SP140: variants seen among roughly 807,000 people sequenced by gnomAD.
The protein encoded by SP140 is nuclear body protein SP140.
A neutral mutation model predicts 125.0 loss-of-function variants in SP140; 81 were observed. The observed-to-expected ratio is 0.65, with a 90% CI of 0.54 to 0.78. SP140 has a LOEUF of 0.78. SP140 is among the 30% of genes least tolerant of loss of function. SP140 has a pLI of 0.00. For synonymous variants in SP140, 312 were observed against 354.0 expected (o/e 0.88, Z 1.33); for missense variants, 858 against 1,037.0 (o/e 0.83, Z 2.37).
At chr2:230,265,775 G>A (rs187629242) in intron 12 of SP140, among the ~76,000 whole-genome samples, 1 of 129,048 alleles carries the variant, frequency 7.7e-6, no homozygotes. Flanking sequence ...TGCAGTTGGG[G>A]CACTCTCAGT....
chr2:230,192,273 A>G, the SP140 span, among the ~76,000 whole-genome samples: 3 of 152,220 alleles, frequency 2.0e-5, no homozygotes, highest in South Asian at 6.2e-4. Context: ...TAGTATTAGA[A>G]GTTCTGGCCA....
the SP140 span, among the ~76,000 whole-genome samples, chr2:230,194,153 C>A: frequency 0.76 from 115,991 of 151,882 alleles, 44,414 homozygotes; most frequent in Admixed American, 0.83. Context: ...AATTAGAGGG[C>A]TTTCCAAAGC....
chr2:230,308,739 G>A (rs533411175), intron 22 of SP140, among the ~76,000 whole-genome samples: 4 of 152,324 alleles, frequency 2.6e-5, no homozygotes, highest in South Asian at 4.1e-4. Flanking sequence ...AGGTGCAAGC[G>A]GTCCTCTTGA....
chr2:230,186,737 A>G, the SP140 span, among the ~76,000 whole-genome samples: 133 of 152,316 alleles, frequency 8.7e-4, no homozygotes, highest in African/African-American at 2.6e-3. Context: ...GCTCCCACCT[A>G]TAAGTGAGAA....
chr2:230,273,265 A>G (rs1030351543), intron 15 of SP140, among the ~76,000 whole-genome samples: 1 of 152,224 alleles, frequency 6.6e-6, no homozygotes, highest in East Asian at 1.9e-4. Context: ...AAACAGCCCC[A>G]TTAAAAAGTG....
chr2:230,238,826 G>C (rs141302786), intron 3 of SP140: 1 of 1,555,348 alleles, frequency 6.4e-7, no homozygotes, highest in Admixed American at 2.0e-5. Context: ...GAGAAGTCAC[G>C]AAGAGAGCCT....
At chr2:230,241,142 T>G (rs758184641) in intron 3 of SP140, among the ~76,000 whole-genome samples, 1 of 152,196 alleles carries the variant, frequency 6.6e-6, no homozygotes, top group South Asian at 2.1e-4. Flanking sequence ...TTGCTGGTGA[T>G]AGGAACCAGA....
chr2:230,303,815 A>G (rs1428195479), intron 22 of SP140, among the ~76,000 whole-genome samples: 1 of 152,238 alleles, frequency 6.6e-6, no homozygotes, highest in Non-Finnish European at 1.5e-5. Context: ...GAAATGGCAA[A>G]AGTTGAAAGC....
At chr2:230,295,167 C>T (rs1452521424) in intron 21 of SP140, among the ~76,000 whole-genome samples, 1 of 152,152 alleles carries the variant, frequency 6.6e-6, no homozygotes, top group Non-Finnish European at 1.5e-5. Flanking sequence ...TGAATGAGAA[C>T]CTGAGGAGGG....
intron 18 of SP140, among the ~76,000 whole-genome samples, chr2:230,288,432 C>G (rs991335525): frequency 6.6e-6 from 1 of 152,054 alleles, no homozygotes; most frequent in African/African-American, 2.4e-5. Flanking sequence ...ATCTGGAAAG[C>G]AAGAGCATGA....
chr2:230,212,977 C>T, intron 1 of SP140: 1 of 1,614,012 alleles, frequency 6.2e-7, no homozygotes, highest in South Asian at 1.1e-5. Context: ...CCAGTTGGGG[C>T]TTCAAGTAGG....
At chr2:230,239,692 G>T (rs1411151544) in intron 3 of SP140, among the ~76,000 whole-genome samples, 1 of 152,198 alleles carries the variant, frequency 6.6e-6, no homozygotes, top group Non-Finnish European at 1.5e-5. Context: ...CAGGTGATCT[G>T]CCTGCCTTGG....
At chr2:230,212,594 A>G (rs1221792877) in intron 1 of SP140, among the ~76,000 whole-genome samples, 1 of 151,770 alleles carries the variant, frequency 6.6e-6, no homozygotes, top group African/African-American at 2.4e-5. Context: ...GGTCTTACCC[A>G]CCCCCCGGCA....
downstream of SP140, among the ~76,000 whole-genome samples, chr2:230,314,110 C>G (rs1391571329): frequency 2.0e-5 from 3 of 152,132 alleles, no homozygotes; most frequent in African/African-American, 7.2e-5. Context: ...AGGATGGTCT[C>G]TTATGCCAAT....
At chr2:230,241,363 T>C (rs2149136343) in intron 3 of SP140, 41 bp from the exon 4 acceptor site, 1 of 1,251,928 alleles carries the variant, frequency 8.0e-7, no homozygotes, top group Non-Finnish European at 1.2e-6. Flanking sequence ...TCTCCTCTGG[T>C]CACTGTCTGA....
intron 12 of SP140, among the ~76,000 whole-genome samples, chr2:230,259,795 TACCACATACATAC>T (rs1559279375): frequency 1.2e-4 from 13 of 111,482 alleles, no homozygotes; most frequent in Non-Finnish European, 2.0e-4. Context: ...TATATATATA[TACCACATACATAC>T]ATATATACCA....
chr2:230,268,381 A>G (rs1343548189), intron 12 of SP140, among the ~76,000 whole-genome samples: 1 of 151,996 alleles, frequency 6.6e-6, no homozygotes, highest in Non-Finnish European at 1.5e-5. Context: ...AAAATTAGCC[A>G]GGCGTGGTGG....
At chr2:230,190,369 T>C in the SP140 span, among the ~76,000 whole-genome samples, 1 of 152,216 alleles carries the variant, frequency 6.6e-6, no homozygotes, top group Non-Finnish European at 1.5e-5. Context: ...GAGAAGTGTC[T>C]GTTCATATCC....
At chr2:230,231,281 T>A (rs1321679515) in intron 1 of SP140, among the ~76,000 whole-genome samples, 1 of 152,268 alleles carries the variant, frequency 6.6e-6, no homozygotes, top group African/African-American at 2.4e-5. Context: ...CTTTGTCTCT[T>A]CACACTGTGT....
Sources: allele counts gnomAD v4.1 joint callset (sites outside exome capture counted in the v4.1 genomes callset), GRCh38; gene constraint gnomAD v4.1.1; transcripts MANE v1.5; gene names NCBI Gene and HGNC (gene_info 2026-07-23, HGNC 2026-07-21).